ZNF439: variants seen among roughly 807,000 people sequenced by gnomAD.
ZNF439 encodes the protein zinc finger protein 439.
Under a neutral mutation model 47.3 loss-of-function variants are expected in ZNF439, and 40 were observed. The ratio of observed to expected loss-of-function variants is 0.85; its 90% confidence interval spans 0.66 to 1.10. The LOEUF is 1.10. Ranked by LOEUF, ZNF439 falls within the 50% of genes least tolerant of loss-of-function variation. The pLI is 0.00. For synonymous variants in ZNF439, 171 were observed against 198.8 expected (o/e 0.86, Z 1.18); for missense variants, 556 against 601.1 (o/e 0.93, Z 0.78).
intron 1 of ZNF439, among the ~76,000 whole-genome samples, chr19:11,865,726 A>AC (rs1310062808): frequency 8.7e-5 from 13 of 149,746 alleles, no homozygotes; most frequent in African/African-American, 3.2e-4. Flanking sequence ...AAAAAAAAAA[A>AC]AAAAAAAAAA....
rs1976762248 is a variant in ZNF439, at chr19:11,868,226, A to AG, written c.1172_1173insG (p.Cys392MetfsTer3). 1 of 1,613,998 alleles carries AG rather than the reference A, an allele frequency of 6.2e-7. No homozygotes were observed. The highest frequency in any genetic ancestry group is 1.3e-5 in the African/African-American group (1 of 74,916). On this transcript the variant is annotated frameshift_variant, in exon 4 of 4. Coordinates refer to ENST00000682736, the MANE Select transcript of ZNF439 (RefSeq NM_001348719.2). LOFTEE classifies it high-confidence loss of function. ...GGAGAGAAACCGTATAAATGCAAGC[A>AG]ATGTGGTAAAGCCTTCACTCGTTCC...
intron 1 of ZNF439, among the ~76,000 whole-genome samples, chr19:11,862,063 C>G (rs1053994623): frequency 6.6e-6 from 1 of 152,082 alleles, no homozygotes; most frequent in Non-Finnish European, 1.5e-5. Flanking sequence ...TGCTTGACAA[C>G]TCATTTAGTT....
intron 1 of ZNF439, 78 bp from the exon 2 acceptor site, chr19:11,866,127 A>T (rs978418964): frequency 1.9e-6 from 3 of 1,593,488 alleles, no homozygotes; most frequent in Admixed American, 3.7e-5. Flanking sequence ...GCATCCTGAG[A>T]ACTTCTTGGG....
At chr19:11,851,510 G>A (rs1213885886) in intron 1 of ZNF439, among the ~76,000 whole-genome samples, 1 of 152,182 alleles carries the variant, frequency 6.6e-6, no homozygotes, top group East Asian at 1.9e-4. Flanking sequence ...CTGGCAAGGA[G>A]TGTTTCTTGT....
rs564963092 is a variant in ZNF439 at position 11,848,958 on chromosome 19, A to T, written c.63+28A>T. 6.4e-5 allele frequency: 98 copies of T among 1,534,424 alleles called. No individual in the cohort carries two copies. The African/African-American group carries it at 1.3e-3, about 21-fold the overall frequency. On this transcript the variant is annotated intron_variant, in intron 1 of 3. Coordinates refer to ENST00000682736, the MANE Select transcript of ZNF439 (RefSeq NM_001348719.2). ...GCGTGTGCTGGCCGGGAGTGGTGCG[A>T]TGGGGGAGGGGCTGCCTGGAACTGG...
chr19:11,850,119 G>A (rs950710144), intron 1 of ZNF439: 2 of 152,282 alleles, frequency 1.3e-5, no homozygotes, highest in African/African-American at 4.8e-5. Context: ...TGTCGCCCAG[G>A]CTGGTGTGCA....
At chr19:11,858,132 C>T (rs1049326541) in intron 1 of ZNF439, 3 of 152,048 alleles carry the variant, frequency 2.0e-5, no homozygotes, top group African/African-American at 7.3e-5. Flanking sequence ...GAAGGCAGAT[C>T]CAGGCTTATC....
Position 11,848,853 on chromosome 19 carries a change from T to C in ZNF439, c.-15T>C. ...GTGCCTCTACCCAGATTTCTGTCGC[T>C]CTGTCACCTGCGCTATGCCCTGCTT... is the stretch of plus-strand genomic sequence containing the variant. On this transcript the variant is annotated 5_prime_UTR_variant, in exon 1 of 4. Coordinates refer to ENST00000682736, the MANE Select transcript of ZNF439 (RefSeq NM_001348719.2). The C allele has an allele frequency of 6.4e-7, 1 of 1,552,936 alleles. No individual in the cohort carries two copies. The highest frequency in any genetic ancestry group is 8.8e-7 in the Non-Finnish European group (1 of 1,142,228).
At position 11,868,356 on chromosome 19, in the gene ZNF439, T is replaced by TAGGACTC; in HGVS notation, c.1304_1310dup (p.His437GlnfsTer12). The TAGGACTC allele has an allele frequency of 6.3e-7, 1 of 1,597,548 alleles. No homozygotes were observed. ...CTGCCCCAAATCTTCAATTGCATGGTAGGACTCACACTGGAGAGAAACCGT... is the reference window on the plus strand; with the variant it reads ...CTGCCCCAAATCTTCAATTGCATGGTAGGACTCAGGACTCACACTGGAGAGAAACCGT... On this transcript the variant is annotated frameshift_variant, in exon 4 of 4. Coordinates refer to ENST00000682736, the MANE Select transcript of ZNF439 (RefSeq NM_001348719.2). LOFTEE classifies it high-confidence loss of function.
At position 11,867,606 on chromosome 19, in the gene ZNF439, T is replaced by A; in HGVS notation, c.552T>A (p.Asp184Glu). Reference sequence around the variant, plus strand: ...CCTCCTTGAGAACACAAGAAAGGGATCACACTGGAAAGAAACCCTATGCTT... The same window carrying A: ...CCTCCTTGAGAACACAAGAAAGGGAACACACTGGAAAGAAACCCTATGCTT... ...YHPSLRTQER[D>E]HTGKKPYACK... is the part of the protein sequence containing the mutation. The change falls in exon 4 of 4, where the codon GAT becomes GAA. Residue 184 changes from aspartate to glutamate, a missense_variant. Coordinates refer to ENST00000682736, the MANE Select transcript of ZNF439 (RefSeq NM_001348719.2). The A allele has an allele frequency of 6.2e-7, 1 of 1,614,120 alleles. No homozygotes were observed. Among genetic ancestry groups the A allele is most frequent in the Non-Finnish European group, 8.5e-7 (1 of 1,180,020 alleles).
At chr19:11,864,871 C>T (rs1224047729) in intron 1 of ZNF439, among the ~76,000 whole-genome samples, 3 of 151,810 alleles carry the variant, frequency 2.0e-5, no homozygotes, top group Non-Finnish European at 4.4e-5. Flanking sequence ...ATTGACTGAC[C>T]CCAACCTCAA....
rs766076006 is a variant in ZNF439, at chr19:11,867,638, A to C, written c.584A>C (p.Glu195Ala). 6.2e-7 allele frequency: 1 copy of C among 1,614,120 alleles called. No individual in the cohort carries two copies. Among genetic ancestry groups the C allele is most frequent in the South Asian group, 1.1e-5 (1 of 91,084 alleles). Residue 195 changes from glutamate to alanine, a missense_variant, in exon 4 of 4, where the codon GAA becomes GCA. Glu to Ala is a moderately radical substitution (Grantham distance 107). Coordinates refer to ENST00000682736, the MANE Select transcript of ZNF439 (RefSeq NM_001348719.2). ...GGAAAGAAACCCTATGCTTGTAAAG[A>C]ATGTGGAAAAAACATTATTTACCAT... is the stretch of plus-strand genomic sequence containing the variant. The part of the protein sequence containing the change: ...HTGKKPYACK[E>A]CGKNIIYHSS...
chr19:11,861,513 A>G (rs1333065894), intron 1 of ZNF439, among the ~76,000 whole-genome samples: 1 of 152,112 alleles, frequency 6.6e-6, no homozygotes, highest in African/African-American at 2.4e-5. Flanking sequence ...TATACGCTTC[A>G]TCTAGATAAC....
chr19:11,860,763 C>T (rs1976519064), intron 1 of ZNF439, among the ~76,000 whole-genome samples: 1 of 152,028 alleles, frequency 6.6e-6, no homozygotes. Flanking sequence ...TTAGAGCAGG[C>T]CTGCATGACT....
At position 11,858,484 on chromosome 19, in the gene ZNF439, G is replaced by C. The variant is rs7255910; in HGVS notation, c.64-7721G>C. On this transcript the variant is annotated intron_variant, in intron 1 of 3. Transcript: ENST00000682736. ...CCATCTCGGAAAAAAAAAAAAAAAAGGGGGTCTATTGCTACAAGAGGCCAG... is the reference window on the plus strand; with the variant it reads ...CCATCTCGGAAAAAAAAAAAAAAAACGGGGTCTATTGCTACAAGAGGCCAG... Among the ~76,000 whole-genome samples, 318 of 71,346 alleles carry C rather than the reference G, an allele frequency of 4.5e-3. 2 individuals are homozygous for C. Among genetic ancestry groups the C allele is most frequent in the African/African-American group, 0.019 (312 of 16,708 alleles). 46.8% of individuals were successfully genotyped at this position (71,346 alleles called of 152,430 possible).
At chr19:11,860,056 A>T (rs1354394055) in intron 1 of ZNF439, among the ~76,000 whole-genome samples, 3 of 152,170 alleles carry the variant, frequency 2.0e-5, no homozygotes, top group Admixed American at 1.3e-4. Flanking sequence ...TTCCACATCG[A>T]AAGTGCCTGT....
At chr19:11,851,763 C>T (rs1976249393) in intron 1 of ZNF439, among the ~76,000 whole-genome samples, 2 of 151,942 alleles carry the variant, frequency 1.3e-5, no homozygotes, top group Admixed American at 1.3e-4. Flanking sequence ...TCTTGAGCAC[C>T]TCCGCCTCCC....
At position 11,867,623 on chromosome 19, in the gene ZNF439, C is replaced by G. The variant is rs373484496; in HGVS notation, c.569C>G (p.Pro190Arg). 3 of 1,613,932 alleles carry G rather than the reference C, an allele frequency of 1.9e-6. No individual in the cohort carries two copies. Among genetic ancestry groups the G allele is most frequent in the Non-Finnish European group, 2.5e-6 (3 of 1,180,006 alleles). Residue 190 changes from proline to arginine, a missense_variant, in exon 4 of 4, where the codon CCC becomes CGC. Coordinates refer to ENST00000682736, the MANE Select transcript of ZNF439 (RefSeq NM_001348719.2). ...TQERDHTGKK[P>R]YACKECGKNI... ...GAAAGGGATCACACTGGAAAGAAAC[C>G]CTATGCTTGTAAAGAATGTGGAAAA...
At chr19:11,854,811 T>C (rs28809239) in intron 1 of ZNF439, among the ~76,000 whole-genome samples, 384 of 152,212 alleles carry the variant, frequency 2.5e-3, no homozygotes, top group African/African-American at 9.0e-3. Context: ...AATGTAGTGA[T>C]ATAACTGACA....
Sources: gnomAD v4.1 joint callset for allele counts (sites outside exome capture counted in the v4.1 genomes callset) on GRCh38, gnomAD v4.1.1 for gene constraint, MANE v1.5 for transcripts, NCBI Gene and HGNC (gene_info 2026-07-23, HGNC 2026-07-21) for gene names.